The following SLIT3 variants were observed in gnomAD, a reference collection of about 807,000 sequenced individuals.
SLIT3 encodes slit guidance ligand 3, also known as slit homolog 3 protein.
A neutral mutation model predicts 184.0 loss-of-function variants in SLIT3; 68 were observed. The observed-to-expected ratio is 0.37, with a 90% confidence interval of 0.30 to 0.45. SLIT3 has a LOEUF of 0.45. SLIT3 is among the 20% of genes least tolerant of loss of function. The pLI is 1.00. For missense variants in SLIT3, 1,707 were observed against 2,026.0 expected, an observed-to-expected ratio of 0.84 and a Z score of 3.02; for synonymous variants, 831 against 828.6, an observed-to-expected ratio of 1.00 and a Z score of -0.05.
At chr5:168,728,422 A>G (rs1014025805) in intron 20 of SLIT3, among the ~76,000 whole-genome samples, 2 of 152,072 alleles carry the variant, frequency 1.3e-5, no homozygotes, top group African/African-American at 4.8e-5. Context: ...GGGAAATATG[A>G]TGCTACCAAA....
chr5:169,008,096 C>T (rs1182052399), intron 4 of SLIT3, among the ~76,000 whole-genome samples: 1 of 152,134 alleles, frequency 6.6e-6, no homozygotes, highest in African/African-American at 2.4e-5. Flanking sequence ...TCTTGGTGAA[C>T]TAATGATAAT....
intron 1 of SLIT3, among the ~76,000 whole-genome samples, chr5:169,273,448 T>C (rs1051271183): frequency 3.3e-5 from 5 of 152,150 alleles, no homozygotes; most frequent in African/African-American, 1.2e-4. Flanking sequence ...CAGGAGAAAG[T>C]CATGCAGCCA....
chr5:168,843,147 C>A (rs1758326969), intron 6 of SLIT3, among the ~76,000 whole-genome samples: 1 of 152,138 alleles, frequency 6.6e-6, no homozygotes, highest in South Asian at 2.1e-4. Context: ...ACCGGGAATT[C>A]TCGGCTTTCA....
Position 168,823,341 on chromosome 5 carries a change from T to G in SLIT3, c.558-10A>C. 1 of 1,609,110 alleles carries G rather than the reference T, an allele frequency of 6.2e-7. No individual in the cohort carries two copies. Among genetic ancestry groups the G allele is most frequent in the Non-Finnish European group, 8.5e-7 (1 of 1,175,724 alleles). ...GTTGTTGTTGAGGGTACTGTGGAGA[T>G]AGACAAGGGAGATGGTCAGCCAGGC... is the stretch of plus-strand genomic sequence containing the variant. On this transcript the variant is annotated splice_polypyrimidine_tract_variant and intron_variant, in intron 6 of 35. Transcript: ENST00000519560.
intron 6 of SLIT3, among the ~76,000 whole-genome samples, chr5:168,839,231 T>C (rs1356656486): frequency 6.6e-6 from 1 of 152,146 alleles, no homozygotes; most frequent in Non-Finnish European, 1.5e-5. Flanking sequence ...CTCTGGCCTA[T>C]GGAGCTCAGC....
rs546122707 is a variant in SLIT3 at position 168,844,449 on chromosome 5, C to T, written c.557+135G>A. The T allele has an allele frequency of 6.4e-6, 5 of 786,108 alleles. No individual in the cohort carries two copies. The South Asian group carries it at 6.8e-5, about 11-fold the overall frequency. 48.7% of individuals were successfully genotyped at this position (786,108 alleles called of 1,614,324 possible). A position where few individuals can be genotyped will look rare whatever the true frequency, so the allele number is the denominator to read the frequency against. On this transcript the variant is annotated intron_variant, in intron 6 of 35. Transcript: ENST00000519560. Reference sequence around the variant, plus strand: ...CCCCTGGTTCCCAATTTTAATAGCACTGCAGCAGAGACCAGAAATGCATTC... The same window carrying T: ...CCCCTGGTTCCCAATTTTAATAGCATTGCAGCAGAGACCAGAAATGCATTC...
At chr5:168,932,258 G>GTTT (rs373049439) in intron 4 of SLIT3, among the ~76,000 whole-genome samples, 10 of 103,568 alleles carry the variant, frequency 9.7e-5, no homozygotes, top group African/African-American at 3.3e-4. Context: ...TTGTTGTTGT[G>GTTT]TTTTTTTTTT....
chr5:168,752,894 G>GGA lies in SLIT3; in HGVS notation c.1973+59_1973+60dup, dbSNP rs1250460783. ...GGCTAGAGGTAGCAGGGAGCTGGGA[G>GGA]GAGAGAGCGCTGCAGAGTGGGATCC... On this transcript the variant is annotated intron_variant, in intron 18 of 35. Coordinates refer to ENST00000519560, the MANE Select transcript of SLIT3 (RefSeq NM_003062.4). 7.9e-6 allele frequency: 12 copies of GGA among 1,526,360 alleles called. No individual in the cohort carries two copies. In the East Asian group the frequency reaches 2.3e-4, roughly 29 times the overall value. 94.6% of individuals were successfully genotyped at this position (1,526,360 alleles called of 1,614,324 possible).
At chr5:168,774,487 C>A in intron 12 of SLIT3, 109 bp from the exon 13 acceptor site, 1 of 1,136,936 alleles carries the variant, frequency 8.8e-7, no homozygotes. Context: ...CTCATCCTTG[C>A]AGCCTTGAGC....
At chr5:169,225,540 G>A (rs62376913) in intron 3 of SLIT3, among the ~76,000 whole-genome samples, 24,085 of 152,114 alleles carry the variant, frequency 0.16, 2,136 homozygotes, top group East Asian at 0.44. Flanking sequence ...CCCTCTTAGA[G>A]GCCTTATAGT....
At chr5:169,273,551 A>C (rs1766699755) in intron 1 of SLIT3, among the ~76,000 whole-genome samples, 2 of 152,222 alleles carry the variant, frequency 1.3e-5, no homozygotes, top group Admixed American at 1.3e-4. Flanking sequence ...ACTGCAGACC[A>C]ACTAAACCAG....
intron 1 of SLIT3, among the ~76,000 whole-genome samples, chr5:169,265,028 C>T (rs73319564): frequency 0.046 from 6,959 of 152,188 alleles, 545 homozygotes; most frequent in African/African-American, 0.16. Flanking sequence ...AGGGGCAACC[C>T]GGGTGGTTGG....
intron 8 of SLIT3, among the ~76,000 whole-genome samples, chr5:168,808,902 A>C (rs1757075901): frequency 6.6e-6 from 1 of 152,124 alleles, no homozygotes; most frequent in South Asian, 2.1e-4. Flanking sequence ...CCACATCAAA[A>C]GGAGAGCACA....
At chr5:168,818,354 C>T (rs1757409943) in intron 7 of SLIT3, among the ~76,000 whole-genome samples, 1 of 152,128 alleles carries the variant, frequency 6.6e-6, no homozygotes, top group Non-Finnish European at 1.5e-5. Flanking sequence ...GAGGGGAATC[C>T]CATCAAGTTA....
chr5:168,797,597 T>A, intron 9 of SLIT3, among the ~76,000 whole-genome samples: 1 of 152,198 alleles, frequency 6.6e-6, no homozygotes, highest in Non-Finnish European at 1.5e-5. Flanking sequence ...AGGAACATGA[T>A]GTGACGCTGG....
chr5:169,203,023 G>A (rs1170808468), intron 3 of SLIT3, among the ~76,000 whole-genome samples: 2 of 152,154 alleles, frequency 1.3e-5, no homozygotes, highest in African/African-American at 4.8e-5. Flanking sequence ...AAACGAAGGG[G>A]GTGAGGGAGA....
At chr5:168,934,808 A>T (rs1410541698) in intron 4 of SLIT3, among the ~76,000 whole-genome samples, 1 of 151,898 alleles carries the variant, frequency 6.6e-6, no homozygotes, top group South Asian at 2.1e-4. Context: ...TAAATGCTTT[A>T]TGCATGTTAC....
chr5:168,953,485 C>G (rs141356069), intron 4 of SLIT3, among the ~76,000 whole-genome samples: 1 of 152,192 alleles, frequency 6.6e-6, no homozygotes, highest in African/African-American at 2.4e-5. Context: ...CATTCTTGGC[C>G]CATGTCTTTA....
intron 16 of SLIT3, among the ~76,000 whole-genome samples, chr5:168,754,743 T>C (rs182978953): frequency 1.3e-5 from 2 of 152,186 alleles, no homozygotes; most frequent in Non-Finnish European, 2.9e-5. Context: ...CCCATAAATA[T>C]GTATAATTGT....
Sources: gnomAD v4.1 joint callset for allele counts (sites outside exome capture counted in the v4.1 genomes callset) on GRCh38, gnomAD v4.1.1 for gene constraint, MANE v1.5 for transcripts, NCBI Gene and HGNC (gene_info 2026-07-23, HGNC 2026-07-21) for gene names.